Variants in NBAS observed in about 807,000 individuals in gnomAD.
NBAS encodes the protein NAG/BC035112 fusion.
Under a neutral mutation model 302.5 loss-of-function variants are expected in NBAS, and 219 were observed. That is an observed-to-expected ratio of 0.72 (90% CI 0.65 to 0.81). The LOEUF (loss-of-function observed/expected upper bound fraction) is 0.81. Ranked by LOEUF, NBAS falls within the 30% of genes least tolerant of loss-of-function variation. The pLI is 0.00. For synonymous variants in NBAS, 1,118 were observed against 1,021.6 expected (o/e 1.09, Z -1.80); for missense variants, 2,932 against 2,841.6 (o/e 1.03, Z -0.72).
chr2:14,795,691 C>T, the NBAS span, among the ~76,000 whole-genome samples: 1 of 152,236 alleles, frequency 6.6e-6, no homozygotes, highest in African/African-American at 2.4e-5. Flanking sequence ...CTGGATAAAT[C>T]GTTGCTGTAG....
intron 11 of NBAS, among the ~76,000 whole-genome samples, 185 bp from the exon 12 acceptor site, chr2:15,489,207 T>G (rs531667790): frequency 6.6e-6 from 1 of 152,304 alleles, no homozygotes; most frequent in Admixed American, 6.5e-5. Flanking sequence ...CTTAAGGAGT[T>G]TGTTACCTAC....
At chr2:15,473,651 T>C (rs990595234) in intron 15 of NBAS, among the ~76,000 whole-genome samples, 2 of 152,142 alleles carry the variant, frequency 1.3e-5, no homozygotes, top group South Asian at 2.1e-4. Context: ...TACCACGACA[T>C]TGCAAGAACA....
At chr2:15,101,094 G>A in the NBAS span, among the ~76,000 whole-genome samples, 2 of 152,174 alleles carry the variant, frequency 1.3e-5, no homozygotes, top group Non-Finnish European at 2.9e-5. Flanking sequence ...AGCCACCAGT[G>A]CCCTGTTCCA....
chr2:15,219,740 G>A (rs1384860114), intron 47 of NBAS, among the ~76,000 whole-genome samples: 2 of 135,298 alleles, frequency 1.5e-5, no homozygotes, highest in African/African-American at 2.8e-5. Flanking sequence ...ACACAGACCC[G>A]GCAACCATCC....
chr2:15,212,895 A>G (rs1666482540), intron 48 of NBAS, among the ~76,000 whole-genome samples: 1 of 152,148 alleles, frequency 6.6e-6, no homozygotes, highest in South Asian at 2.1e-4. Flanking sequence ...TAAACTATCC[A>G]GTTGCGGGCA....
At chr2:15,320,598 C>T (rs1355147446) in intron 38 of NBAS, among the ~76,000 whole-genome samples, 1 of 152,126 alleles carries the variant, frequency 6.6e-6, no homozygotes, top group Non-Finnish European at 1.5e-5. Context: ...TTCCTACACA[C>T]CAATAACAGA....
intron 21 of NBAS, among the ~76,000 whole-genome samples, chr2:15,455,974 T>C (rs1330417474): frequency 2.6e-5 from 4 of 152,120 alleles, no homozygotes; most frequent in African/African-American, 9.7e-5. Context: ...AAATCTCTAT[T>C]ATCTCAAGTT....
rs750588602 is a variant in NBAS at position 15,534,574 on chromosome 2, T to C, written c.715A>G (p.Ile239Val). The C allele has an allele frequency of 2.5e-6, 4 of 1,613,594 alleles. No individual in the cohort carries two copies. In the Admixed American group the frequency reaches 6.7e-5, roughly 27 times the overall value. Residue 239 changes from isoleucine (I) to valine (V), a missense_variant, in exon 9 of 52, where the codon ATC becomes GTC. Physicochemically the swap from Ile to Val is conservative, Grantham distance 29. Transcript: ENST00000281513. ...FSFSSHYPHG[I>V]NTAIYHPGHR... ...CCAGGGTGGTAAATAGCTGTGTTGATTCCATGAGGATAATGACTACTGAAG... is the reference window on the plus strand; with the variant it reads ...CCAGGGTGGTAAATAGCTGTGTTGACTCCATGAGGATAATGACTACTGAAG...
At chr2:15,040,499 GA>G in the NBAS span, among the ~76,000 whole-genome samples, 2 of 152,094 alleles carry the variant, frequency 1.3e-5, no homozygotes, top group African/African-American at 4.8e-5. Flanking sequence ...GGCTCCGGAA[GA>G]AAAAAATCAA....
chr2:15,130,666 T>C, the NBAS span, among the ~76,000 whole-genome samples: 54 of 152,232 alleles, frequency 3.5e-4, no homozygotes, highest in Non-Finnish European at 7.2e-4. Context: ...CTCAACTCTT[T>C]CACTATGCCA....
intron 9 of NBAS, among the ~76,000 whole-genome samples, chr2:15,523,135 A>G (rs907733956): frequency 2.0e-5 from 3 of 152,146 alleles, no homozygotes; most frequent in African/African-American, 7.2e-5. Flanking sequence ...ATCACTAGTG[A>G]CACTTCGTAT....
the NBAS span, among the ~76,000 whole-genome samples, chr2:14,863,448 G>A: frequency 4.6e-5 from 7 of 152,156 alleles, no homozygotes; most frequent in Admixed American, 1.3e-4. Context: ...GGGAGATCAC[G>A]AGATCCATTG....
At chr2:15,361,764 A>C (rs1321260288) in intron 32 of NBAS, among the ~76,000 whole-genome samples, 3 of 150,492 alleles carry the variant, frequency 2.0e-5, no homozygotes, top group Non-Finnish European at 4.4e-5. Flanking sequence ...GGATCACCTG[A>C]GGTCAGGAGT....
intron 32 of NBAS, among the ~76,000 whole-genome samples, chr2:15,364,777 G>A (rs1488271343): frequency 6.6e-6 from 1 of 151,978 alleles, no homozygotes; most frequent in Non-Finnish European, 1.5e-5. Context: ...TCCAACCCTA[G>A]CCACGATCTG....
chr2:15,431,369 T>C (rs1677756424), intron 21 of NBAS, among the ~76,000 whole-genome samples: 1 of 152,192 alleles, frequency 6.6e-6, no homozygotes. Flanking sequence ...CTTTAGGCAT[T>C]TGAAGTGCTA....
intron 11 of NBAS, among the ~76,000 whole-genome samples, chr2:15,493,780 A>G (rs1044443726): frequency 6.6e-6 from 1 of 151,880 alleles, no homozygotes; most frequent in Non-Finnish European, 1.5e-5. Flanking sequence ...CTTTATTTGA[A>G]TTAAGCAGTT....
At chr2:14,990,813 A>G in the NBAS span, among the ~76,000 whole-genome samples, 1 of 152,176 alleles carries the variant, frequency 6.6e-6, no homozygotes, top group African/African-American at 2.4e-5. Flanking sequence ...ACATCTTGCA[A>G]TAGATGCTGT....
the NBAS span, among the ~76,000 whole-genome samples, chr2:14,850,980 A>G: frequency 5.2e-5 from 7 of 134,834 alleles, no homozygotes; most frequent in Admixed American, 5.0e-4. Flanking sequence ...GAAAGCAGGA[A>G]AGATCCAAAA....
At chr2:15,086,308 G>A in the NBAS span, among the ~76,000 whole-genome samples, 1 of 152,056 alleles carries the variant, frequency 6.6e-6, no homozygotes, top group Non-Finnish European at 1.5e-5. Flanking sequence ...CTGAACACTC[G>A]GGATACCCTG....
Sources: gnomAD v4.1 joint callset for allele counts (sites outside exome capture counted in the v4.1 genomes callset) on GRCh38, gnomAD v4.1.1 for gene constraint, MANE v1.5 for transcripts, NCBI Gene and HGNC (gene_info 2026-07-23, HGNC 2026-07-21) for gene names.